The following DAZAP1 variants were observed in gnomAD, a reference collection of about 807,000 sequenced individuals.
DAZAP1 encodes the protein DAZ associated protein 1.
DAZAP1 carries 6 observed loss-of-function variants against 60.1 expected under a neutral mutation model. That is an observed-to-expected ratio of 0.10 (90% CI 0.05 to 0.20). DAZAP1 has a LOEUF of 0.20. Among genes scored for constraint, DAZAP1 ranks in the 10% least tolerant of loss-of-function variants. The probability of loss-of-function intolerance (pLI) is 1.00; values close to 1 mark genes in which losing one functional copy is unlikely to be tolerated. For missense variants in DAZAP1, 366 were observed against 560.4 expected, an observed-to-expected ratio of 0.65 and a Z score of 3.50; for synonymous variants, 235 against 215.9, an observed-to-expected ratio of 1.09 and a Z score of -0.78.
intron 9 of DAZAP1, 65 bp from the exon 10 acceptor site, chr19:1,430,157 C>T: frequency 6.5e-7 from 1 of 1,538,574 alleles, no homozygotes; most frequent in Non-Finnish European, 8.9e-7. Context: ...AGGCCTGGGT[C>T]TAACTGTGGC....
In DAZAP1 at chr19:1,432,927, A is replaced by G. The variant is rs780907670; in HGVS notation, c.1048+237A>G. On this transcript the variant is annotated intron_variant, in intron 11 of 11. Coordinates refer to ENST00000233078, the MANE Select transcript of DAZAP1 (RefSeq NM_018959.4). This position sits in a 1 kb window ranked among gnomAD's most constrained non-coding sequence, Gnocchi z 4.9. ...GCACTCGTCATACAGCAGGTGCTGC[A>G]GGGCCTGCATGTGTGGGAACCTGAG... 16 of 535,168 alleles carry G rather than the reference A, an allele frequency of 3.0e-5. No individual in the cohort carries two copies. The highest frequency in any genetic ancestry group is 5.3e-5 in the Non-Finnish European group (16 of 303,114). 33.2% of individuals were successfully genotyped at this position (535,168 alleles called of 1,614,324 possible).
intron 4 of DAZAP1, among the ~76,000 whole-genome samples, chr19:1,420,134 C>T (rs2083112450): frequency 9.6e-6 from 1 of 103,664 alleles, no homozygotes. Flanking sequence ...CCGAACGTCA[C>T]GGCGGCGAGC....
intron 1 of DAZAP1, among the ~76,000 whole-genome samples, chr19:1,413,383 G>A (rs1221430678): frequency 6.6e-6 from 1 of 152,358 alleles, no homozygotes; most frequent in African/African-American, 2.4e-5. Flanking sequence ...TCTCACTCAC[G>A]ACCTGGTGAG....
chr19:1,432,264 G>C lies in DAZAP1; in HGVS notation c.872-250G>C. 1 of 546,570 alleles carries C rather than the reference G, an allele frequency of 1.8e-6. No individual in the cohort carries two copies. Among genetic ancestry groups the C allele is most frequent in the Non-Finnish European group, 3.2e-6 (1 of 308,538 alleles). 33.9% of individuals were successfully genotyped at this position (546,570 alleles called of 1,614,324 possible). A position where few individuals can be genotyped will look rare whatever the true frequency, so the allele number is the denominator to read the frequency against. On this transcript the variant is annotated intron_variant, in intron 10 of 11. Transcript: ENST00000233078. This position sits in a 1 kb window ranked among gnomAD's most constrained non-coding sequence, Gnocchi z 4.9. ...GAGGCCCACCTGGCGGCTGCTCCGT[G>C]AGGAACGAGGTGGCCCTGCTGCAGC...
chr19:1,418,746 C>G lies in DAZAP1; in HGVS notation c.303+15C>G. 1 of 1,595,288 alleles carries G rather than the reference C, an allele frequency of 6.3e-7. No individual in the cohort carries two copies. Among genetic ancestry groups the G allele is most frequent in the Non-Finnish European group, 8.5e-7 (1 of 1,170,662 alleles). On this transcript the variant is annotated intron_variant, in intron 4 of 11. Transcript: ENST00000233078. This position sits in a 1 kb window ranked among gnomAD's most constrained non-coding sequence, Gnocchi z 5.7. ...AGGAAGGATGGGTAAGGGGCTGGGC[C>G]GGGCGGCCTCCTTGTGTGTTCTCCA... is the stretch of plus-strand genomic sequence containing the variant.
chr19:1,422,335 C>T lies in DAZAP1; in HGVS notation c.415-13C>T, dbSNP rs757254599. 1.9e-6 allele frequency: 3 copies of T among 1,613,868 alleles called. No homozygotes were observed. The highest frequency in any genetic ancestry group is 2.5e-6 in the Non-Finnish European group (3 of 1,179,836). ...GCCCTGGTGTCCGTGCTGACGCCAC[C>T]CTCTCCTTCCAGGTCACGGAGGTAG... On this transcript the variant is annotated splice_polypyrimidine_tract_variant and intron_variant, in intron 5 of 11. Transcript: ENST00000233078. The surrounding 1 kb of genome is among the most constrained non-coding windows in gnomAD (Gnocchi z 4.5).
chr19:1,415,116 G>T (rs1022050852), intron 1 of DAZAP1, among the ~76,000 whole-genome samples: 1 of 152,072 alleles, frequency 6.6e-6, no homozygotes, highest in African/African-American at 2.4e-5. Flanking sequence ...CCTGTTTCAG[G>T]TTTCTCAGCT....
chr19:1,421,386 C>G, intron 5 of DAZAP1, 128 bp downstream of exon 5: 1 of 760,328 alleles, frequency 1.3e-6, no homozygotes, highest in South Asian at 1.7e-5. Flanking sequence ...CTCGCTGTCT[C>G]GTATTTCCCC....
chr19:1,414,205 A>C (rs1011814709), intron 1 of DAZAP1, among the ~76,000 whole-genome samples: 4 of 151,260 alleles, frequency 2.6e-5, no homozygotes, highest in African/African-American at 9.7e-5. Flanking sequence ...TTTAGTAGAG[A>C]TGGGGTTTTG....
chr19:1,427,249 G>A (rs2083326912), intron 7 of DAZAP1: 1 of 152,338 alleles, frequency 6.6e-6, no homozygotes. Context: ...GGGAAAGCGT[G>A]GTCTTGATAT....
intron 2 of DAZAP1, 67 bp downstream of exon 2, chr19:1,417,607 G>A: frequency 7.0e-7 from 1 of 1,424,602 alleles, no homozygotes; most frequent in Non-Finnish European, 9.6e-7. Context: ...TTCAAGTTGT[G>A]TCTGCCCGCC....
rs2083278616 is a variant in DAZAP1 at position 1,425,272 on chromosome 19, T to C, written c.464-606T>C. Among the ~76,000 whole-genome samples, 1 of 152,218 alleles carries C rather than the reference T, an allele frequency of 6.6e-6. No homozygotes were observed. Among genetic ancestry groups the C allele is most frequent in the African/African-American group, 2.4e-5 (1 of 41,450 alleles). ...CACCAGCTATGATAGATACTGTATC[T>C]GTTAACGCTTTAGAACGATATATGG... On this transcript the variant is annotated intron_variant, in intron 6 of 11. Transcript: ENST00000233078. The surrounding 1 kb of genome is among the most constrained non-coding windows in gnomAD (Gnocchi z 5.4).
chr19:1,419,945 C>T (rs1168481300), intron 4 of DAZAP1, among the ~76,000 whole-genome samples: 4 of 131,460 alleles, frequency 3.0e-5, no homozygotes, highest in Non-Finnish European at 6.4e-5. Context: ...TCACCCCACG[C>T]GCACACTCAT....
At position 1,433,282 on chromosome 19, in the gene DAZAP1, G is replaced by A. The variant is rs146485696; in HGVS notation, c.1048+592G>A. ...CAAGGTCTGCATGTCAGTAGTTCTCGCCCTGCACTGAGCCAGGAGTCACAG... is the reference window on the plus strand; with the variant it reads ...CAAGGTCTGCATGTCAGTAGTTCTCACCCTGCACTGAGCCAGGAGTCACAG... On this transcript the variant is annotated intron_variant, in intron 11 of 11. Transcript: ENST00000233078. The surrounding 1 kb of genome is among the most constrained non-coding windows in gnomAD (Gnocchi z 6.1). 5.5e-4 allele frequency: 117 copies of A among 213,278 alleles called. No homozygotes were observed. Among genetic ancestry groups the A allele is most frequent in the Non-Finnish European group, 6.4e-4 (67 of 103,974 alleles). 13.2% of individuals were successfully genotyped at this position (213,278 alleles called of 1,614,324 possible). A position where few individuals can be genotyped will look rare whatever the true frequency, so the allele number is the denominator to read the frequency against.
At chr19:1,410,936 G>A (rs148133730) in intron 1 of DAZAP1, among the ~76,000 whole-genome samples, 115 of 152,366 alleles carry the variant, frequency 7.5e-4, no homozygotes, top group African/African-American at 2.6e-3. Flanking sequence ...AGGATACCCA[G>A]GACTGTGGCC....
At chr19:1,419,377 G>T (rs1172754331) in intron 4 of DAZAP1, among the ~76,000 whole-genome samples, 2 of 152,216 alleles carry the variant, frequency 1.3e-5, no homozygotes, top group African/African-American at 4.8e-5. Context: ...TGAGGCACCG[G>T]GTGCCAGCCT....
rs532620025 is a variant in DAZAP1, at chr19:1,434,611, C to T, written c.1049-126C>T. On this transcript the variant is annotated intron_variant, in intron 11 of 11. Coordinates refer to ENST00000233078, the MANE Select transcript of DAZAP1 (RefSeq NM_018959.4). The surrounding 1 kb of genome is among the most constrained non-coding windows in gnomAD (Gnocchi z 8.0). ...CCAGGTGCTGGCCTCAGAAGGGCCC[C>T]ACCCGCACCCCGTGGGACCCGTGGA... 2.2e-3 allele frequency: 2,162 copies of T among 971,570 alleles called. 11 individuals are homozygous for T. Among genetic ancestry groups the T allele is most frequent in the Middle Eastern group, 0.014 (41 of 2,968 alleles). 60.2% of individuals were successfully genotyped at this position (971,570 alleles called of 1,614,324 possible). A position where few individuals can be genotyped will look rare whatever the true frequency, so the allele number is the denominator to read the frequency against.
Position 1,433,888 on chromosome 19 carries a change from C to G in DAZAP1, c.1049-849C>G. On this transcript the variant is annotated intron_variant, in intron 11 of 11. Coordinates refer to ENST00000233078, the MANE Select transcript of DAZAP1 (RefSeq NM_018959.4). The surrounding 1 kb of genome is among the most constrained non-coding windows in gnomAD (Gnocchi z 6.1). Reference sequence around the variant, plus strand: ...CGCCTGCACCGGGAGGTGGACGTGGCTTCCTCTGCCGTCCCGGGCGGGGGT... The same window carrying G: ...CGCCTGCACCGGGAGGTGGACGTGGGTTCCTCTGCCGTCCCGGGCGGGGGT... 1 of 1,485,768 alleles carries G rather than the reference C, an allele frequency of 6.7e-7. No individual in the cohort carries two copies. The highest frequency in any genetic ancestry group is 9.4e-7 in the Non-Finnish European group (1 of 1,066,088). 92.0% of individuals were successfully genotyped at this position (1,485,768 alleles called of 1,614,324 possible). A position where few individuals can be genotyped will look rare whatever the true frequency, so the allele number is the denominator to read the frequency against.
intron 1 of DAZAP1, among the ~76,000 whole-genome samples, chr19:1,411,801 T>C (rs919040311): frequency 3.3e-5 from 5 of 152,216 alleles, no homozygotes; most frequent in African/African-American, 1.2e-4. Context: ...ACTCCTCCAC[T>C]GCCCGCCCCG....
Sources: gnomAD v4.1 joint callset for allele counts (sites outside exome capture counted in the v4.1 genomes callset) on GRCh38, gnomAD v4.1.1 for gene constraint, Gnocchi (gnomAD v3.1) non-coding constraint, MANE v1.5 for transcripts, NCBI Gene and HGNC (gene_info 2026-07-23, HGNC 2026-07-21) for gene names.